Variants in ZNF236 observed in about 807,000 individuals in gnomAD.
ZNF236 encodes the protein regulated by glucose.
In ZNF236, 50 loss-of-function variants were observed where a neutral mutation model predicts 191.2. The observed-to-expected ratio is 0.26, with a 90% CI of 0.21 to 0.33. The LOEUF (loss-of-function observed/expected upper bound fraction) is 0.33, where lower values mean the gene tolerates loss of function less well. Among genes scored for constraint, ZNF236 ranks in the 10% least tolerant of loss-of-function variants. The pLI, the probability that ZNF236 is intolerant of heterozygous loss-of-function variation, is 1.00. For synonymous variants in ZNF236, 907 were observed against 928.8 expected, an observed-to-expected ratio of 0.98 and a Z score of 0.43; for missense variants, 1,754 against 2,374.5, an observed-to-expected ratio of 0.74 and a Z score of 5.43.
chr18:76,859,461 A>G (rs1235244908), intron 3 of ZNF236, among the ~76,000 whole-genome samples: 2 of 152,170 alleles, frequency 1.3e-5, no homozygotes, highest in Non-Finnish European at 2.9e-5. Context: ...TTCTGTCTTA[A>G]TAACTTAATA....
At chr18:76,946,100 C>G (rs1968254354) in intron 26 of ZNF236, among the ~76,000 whole-genome samples, 1 of 152,162 alleles carries the variant, frequency 6.6e-6, no homozygotes, top group Non-Finnish European at 1.5e-5. Context: ...GGCCGTGTCC[C>G]CACCCAGATC....
intron 9 of ZNF236, among the ~76,000 whole-genome samples, chr18:76,894,340 C>G (rs1000896772): frequency 6.6e-6 from 1 of 152,226 alleles, no homozygotes; most frequent in Non-Finnish European, 1.5e-5. Flanking sequence ...GCATTCACCA[C>G]TCAGTAGCTG....
chr18:76,885,456 T>G (rs968888721), intron 9 of ZNF236: 2 of 153,794 alleles, frequency 1.3e-5, no homozygotes, highest in Non-Finnish European at 2.9e-5. Flanking sequence ...ATCTGGATAT[T>G]CAGCTGCTCC....
chr18:76,968,382 G>A lies in ZNF236; in HGVS notation c.*43G>A, dbSNP rs780122013. The A allele has an allele frequency of 1.6e-5, 25 of 1,577,522 alleles. No individual in the cohort carries two copies. The highest frequency in any genetic ancestry group is 3.4e-4 in the Middle Eastern group (2 of 5,962). ...CCTTTAAGAATGTTTCTGAAGTTAC[G>A]TTTTGTGAAGAGCAAAGCACTTGGA... On this transcript the variant is annotated 3_prime_UTR_variant, in exon 31 of 31. Coordinates refer to ENST00000320610, the MANE Select transcript of ZNF236 (RefSeq NM_001306089.2).
chr18:76,868,676 C>A lies in ZNF236; in HGVS notation c.364-9C>A. On this transcript the variant is annotated splice_polypyrimidine_tract_variant and intron_variant, in intron 3 of 30. Transcript: ENST00000320610. ...TTTGCTCTGCTCACCGATGGGTTTTCTCTTCCAGAATCTCATCTGTTCTGA... is the reference window on the plus strand; with the variant it reads ...TTTGCTCTGCTCACCGATGGGTTTTATCTTCCAGAATCTCATCTGTTCTGA... 1 of 1,585,888 alleles carries A rather than the reference C, an allele frequency of 6.3e-7. No individual in the cohort carries two copies. The highest frequency in any genetic ancestry group is 8.6e-7 in the Non-Finnish European group (1 of 1,163,582).
intron 1 of ZNF236, among the ~76,000 whole-genome samples, chr18:76,826,171 G>T (rs1333319230): frequency 1.3e-5 from 2 of 151,934 alleles, no homozygotes; most frequent in African/African-American, 2.4e-5. Context: ...GAGTGCAGTG[G>T]CGCGATCTTG....
intron 2 of ZNF236, 61 bp downstream of exon 2, chr18:76,849,729 A>T: frequency 7.2e-7 from 1 of 1,393,796 alleles, no homozygotes; most frequent in South Asian, 1.8e-5. Flanking sequence ...TATTGTAAAA[A>T]TGAACAAGTA....
chr18:76,877,421 T>A (rs1976748284), intron 6 of ZNF236, among the ~76,000 whole-genome samples: 1 of 151,468 alleles, frequency 6.6e-6, no homozygotes. Flanking sequence ...GGCAGGAGAA[T>A]CACTTGACCT....
At chr18:76,897,513 C>G (rs539926029) in intron 10 of ZNF236, among the ~76,000 whole-genome samples, 1 of 151,716 alleles carries the variant, frequency 6.6e-6, no homozygotes, top group Admixed American at 6.6e-5. Flanking sequence ...CACAGTATTG[C>G]ACTTAGGTAC....
intron 3 of ZNF236, among the ~76,000 whole-genome samples, chr18:76,864,987 G>A (rs111691828): frequency 0.012 from 1,837 of 152,244 alleles, 25 homozygotes; most frequent in African/African-American, 0.041. Context: ...AACAAATAAT[G>A]ACAGACTTCA....
At chr18:76,945,826 T>TA (rs1251564065) in intron 26 of ZNF236, among the ~76,000 whole-genome samples, 2 of 152,214 alleles carry the variant, frequency 1.3e-5, no homozygotes. Context: ...CATGTTTATG[T>TA]AAAAAATTAG....
chr18:76,968,306 C>A lies in ZNF236; in HGVS notation c.5511C>A (p.Ala1837=). 1 of 1,608,630 alleles carries A rather than the reference C, an allele frequency of 6.2e-7. No individual in the cohort carries two copies. Among genetic ancestry groups the A allele is most frequent in the Non-Finnish European group, 8.5e-7 (1 of 1,178,558 alleles). ...LHLEEVVQEA[A]GEWQALTHVF is the part of the protein sequence containing the mutation. ...TGGAGGAGGTGGTGCAGGAGGCCGC[C>A]GGCGAGTGGCAGGCCCTCACCCACG... Residue 1837 remains alanine (A), a synonymous_variant, in exon 31 of 31, where the codon GCC becomes GCA. Coordinates refer to ENST00000320610, the MANE Select transcript of ZNF236 (RefSeq NM_001306089.2).
In ZNF236 at chr18:76,910,121, G is replaced by A. The variant is rs1178846581; in HGVS notation, c.2605G>A (p.Glu869Lys). 1 of 1,613,758 alleles carries A rather than the reference G, an allele frequency of 6.2e-7. No homozygotes were observed. Among genetic ancestry groups the A allele is most frequent in the Non-Finnish European group, 8.5e-7 (1 of 1,179,684 alleles). Residue 869 changes from glutamate to lysine, a missense_variant, in exon 15 of 31, where the codon GAG becomes AAG. Physicochemically the swap from Glu to Lys is moderately conservative, Grantham distance 56. Around this residue, in one of 5 missense-constraint regions of ZNF236, gnomAD observed 641 missense variants for 869.6 expected, o/e 0.74. Coordinates refer to ENST00000320610, the MANE Select transcript of ZNF236 (RefSeq NM_001306089.2). ...GCGAGGGCACGTAGACCAGTTTGAA[G>A]AGCAGAGCCCTGCGCAACAGTCCTT... ...PLRGHVDQFEEQSPAQQSFEP... is the reference protein window; with the variant it reads ...PLRGHVDQFEKQSPAQQSFEP...
intron 26 of ZNF236, among the ~76,000 whole-genome samples, chr18:76,946,143 C>T (rs1968255781): frequency 6.6e-6 from 1 of 152,170 alleles, no homozygotes; most frequent in African/African-American, 2.4e-5. Context: ...GTGGGAGAAA[C>T]CTGGTGGGAG....
At chr18:76,913,716 G>A (rs79244489) in intron 17 of ZNF236, 31 bp from the exon 18 acceptor site, 66,870 of 1,602,986 alleles carry the variant, frequency 0.042, 1,656 homozygotes, top group Non-Finnish European at 0.051. Context: ...ATGAATTAAC[G>A]TGGTCTGAGT....
intron 29 of ZNF236, 29 bp downstream of exon 29, chr18:76,959,845 C>G (rs1968616754): frequency 6.2e-7 from 1 of 1,607,070 alleles, no homozygotes; most frequent in African/African-American, 1.3e-5. Context: ...CTTTTGTTTC[C>G]TTACTCTTTG....
At chr18:76,866,773 G>T (rs550937163) in intron 3 of ZNF236, among the ~76,000 whole-genome samples, 3 of 152,272 alleles carry the variant, frequency 2.0e-5, no homozygotes, top group African/African-American at 7.2e-5. Context: ...TATACATGGG[G>T]TGTTGTTCTT....
intron 18 of ZNF236, among the ~76,000 whole-genome samples, chr18:76,914,160 T>C (rs1967293907): frequency 6.6e-6 from 1 of 152,182 alleles, no homozygotes; most frequent in Non-Finnish European, 1.5e-5. Flanking sequence ...ACCTCTGTCT[T>C]TATAGATTTG....
chr18:76,859,254 G>A (rs1320031), intron 3 of ZNF236, among the ~76,000 whole-genome samples: 40,699 of 113,690 alleles, frequency 0.36, 6,605 homozygotes, highest in African/African-American at 0.44. Context: ...AGGTGGAGGC[G>A]GGTGCAGGTG....
Sources: gnomAD v4.1 joint callset for allele counts (sites outside exome capture counted in the v4.1 genomes callset) on GRCh38, gnomAD v4.1.1 for gene constraint, gnomAD v4.1.1 regional missense constraint, MANE v1.5 for transcripts, NCBI Gene and HGNC (gene_info 2026-07-23, HGNC 2026-07-21) for gene names.